GPC6: variants seen among roughly 807,000 people sequenced by gnomAD.
The protein encoded by GPC6 is glypican 6.
In GPC6, 14 loss-of-function variants were observed where a neutral mutation model predicts 55.2. The ratio of observed to expected loss-of-function variants is 0.25; its 90% CI spans 0.17 to 0.40. The LOEUF (loss-of-function observed/expected upper bound fraction) is 0.40. Ranked by LOEUF, GPC6 falls within the 10% of genes least tolerant of loss-of-function variation. The pLI is 1.00. For synonymous variants in GPC6, 278 were observed against 259.6 expected (o/e 1.07, Z -0.68); for missense variants, 641 against 708.5 (o/e 0.90, Z 1.08).
At chr13:93,860,501 G>C (rs1253066184) in intron 3 of GPC6, among the ~76,000 whole-genome samples, 2 of 151,486 alleles carry the variant, frequency 1.3e-5, no homozygotes, top group Non-Finnish European at 3.0e-5. Flanking sequence ...ACCTAAATTT[G>C]GTGTTTAGCA....
chr13:94,350,350 A>T (rs1878481622), intron 6 of GPC6, among the ~76,000 whole-genome samples: 1 of 152,156 alleles, frequency 6.6e-6, no homozygotes, highest in Admixed American at 6.5e-5. Flanking sequence ...GTCCAGACTT[A>T]GGCATCAGTA....
At chr13:93,596,369 C>T (rs1433126897) in intron 2 of GPC6, among the ~76,000 whole-genome samples, 1 of 151,848 alleles carries the variant, frequency 6.6e-6, no homozygotes, top group African/African-American at 2.4e-5. Context: ...GAGAATTGGC[C>T]AGGCAGGAGG....
At chr13:93,962,551 G>A (rs2140385087) in intron 3 of GPC6, among the ~76,000 whole-genome samples, 1 of 152,176 alleles carries the variant, frequency 6.6e-6, no homozygotes, top group Admixed American at 6.5e-5. Flanking sequence ...AAACGAATAA[G>A]TGCATGAAGG....
At chr13:94,170,700 A>G (rs1888535592) in intron 4 of GPC6, among the ~76,000 whole-genome samples, 1 of 152,206 alleles carries the variant, frequency 6.6e-6, no homozygotes, top group South Asian at 2.1e-4. Flanking sequence ...ACTGAAAACT[A>G]TCAAAGTGTT....
chr13:93,669,427 C>T (rs1881270893), intron 2 of GPC6, among the ~76,000 whole-genome samples: 1 of 152,116 alleles, frequency 6.6e-6, no homozygotes, highest in Non-Finnish European at 1.5e-5. Flanking sequence ...GTGTGGAAAA[C>T]CAAGAGAGAG....
At chr13:93,550,450 G>T (rs1191763534) in intron 2 of GPC6, among the ~76,000 whole-genome samples, 1 of 151,998 alleles carries the variant, frequency 6.6e-6, no homozygotes, top group East Asian at 1.9e-4. Flanking sequence ...AATTTTGGCA[G>T]CCAGTACATT....
chr13:93,477,775 G>T (rs1480081678), intron 1 of GPC6, among the ~76,000 whole-genome samples: 4 of 152,088 alleles, frequency 2.6e-5, no homozygotes, highest in Non-Finnish European at 5.9e-5. Context: ...TTTCTCCAAA[G>T]AAGCTAGTAT....
intron 2 of GPC6, among the ~76,000 whole-genome samples, chr13:93,686,759 A>G (rs1882064470): frequency 6.6e-6 from 1 of 152,144 alleles, no homozygotes; most frequent in Admixed American, 6.6e-5. Context: ...TGAGGTGGTG[A>G]ATATAGAGAG....
At chr13:93,571,703 C>T (rs950904341) in intron 2 of GPC6, among the ~76,000 whole-genome samples, 2 of 152,130 alleles carry the variant, frequency 1.3e-5, no homozygotes, top group Non-Finnish European at 2.9e-5. Context: ...CTAAGCCCTT[C>T]ACATGGAATA....
At chr13:93,397,769 T>C (rs1875915673) in intron 1 of GPC6, among the ~76,000 whole-genome samples, 1 of 151,994 alleles carries the variant, frequency 6.6e-6, no homozygotes, top group Non-Finnish European at 1.5e-5. Context: ...CCTCTTTTTT[T>C]TTTTCTCTGC....
chr13:93,759,485 C>T (rs1223195756), intron 2 of GPC6, among the ~76,000 whole-genome samples: 2 of 152,120 alleles, frequency 1.3e-5, no homozygotes, highest in African/African-American at 2.4e-5. Context: ...GCATTTTGAG[C>T]TATTCTGTGG....
chr13:94,352,089 G>A (rs868210631), intron 6 of GPC6, among the ~76,000 whole-genome samples: 3 of 151,924 alleles, frequency 2.0e-5, no homozygotes, highest in South Asian at 4.2e-4. Flanking sequence ...CTGTGTTAAC[G>A]AAGCTCCTGG....
At chr13:93,616,445 C>T (rs1878726969) in intron 2 of GPC6, among the ~76,000 whole-genome samples, 1 of 151,978 alleles carries the variant, frequency 6.6e-6, no homozygotes, top group African/African-American at 2.4e-5. Flanking sequence ...GAAACAATCA[C>T]CTTAAAACTT....
intron 3 of GPC6, among the ~76,000 whole-genome samples, chr13:93,964,336 A>G (rs1385584626): frequency 6.6e-6 from 1 of 152,180 alleles, no homozygotes; most frequent in African/African-American, 2.4e-5. Flanking sequence ...TAATGATATC[A>G]TGCATTAGTT....
chr13:94,346,754 A>G (rs943991896), intron 6 of GPC6, among the ~76,000 whole-genome samples: 1 of 151,242 alleles, frequency 6.6e-6, no homozygotes, highest in Non-Finnish European at 1.5e-5. Flanking sequence ...TGCAATACCT[A>G]TGTCACCCTT....
chr13:94,291,357 G>C (rs1444650069), intron 5 of GPC6, among the ~76,000 whole-genome samples: 1 of 152,130 alleles, frequency 6.6e-6, no homozygotes, highest in Admixed American at 6.6e-5. Flanking sequence ...AATTAAGGAA[G>C]AGGAGAGAAC....
intron 3 of GPC6, among the ~76,000 whole-genome samples, chr13:93,890,599 A>G (rs1875616372): frequency 6.6e-6 from 1 of 151,974 alleles, no homozygotes; most frequent in Admixed American, 6.6e-5. Context: ...TTGCTCTTTA[A>G]GTTCATCTGT....
At chr13:93,847,694 G>C (rs1480327123) in intron 3 of GPC6, among the ~76,000 whole-genome samples, 1 of 152,058 alleles carries the variant, frequency 6.6e-6, no homozygotes, top group Non-Finnish European at 1.5e-5. Context: ...CTCATTAGGT[G>C]GGTCATATTT....
intron 4 of GPC6, among the ~76,000 whole-genome samples, chr13:94,279,192 CAT>C (rs1892299208): frequency 6.6e-6 from 1 of 151,988 alleles, no homozygotes; most frequent in African/African-American, 2.4e-5. Context: ...GGAAGTTATC[CAT>C]TTCTTTTATA....
Sources: gnomAD v4.1 joint callset for allele counts (sites outside exome capture counted in the v4.1 genomes callset) on GRCh38, gnomAD v4.1.1 for gene constraint, MANE v1.5 for transcripts, NCBI Gene and HGNC (gene_info 2026-07-23, HGNC 2026-07-21) for gene names.